Variants in RREB1 observed in about 807,000 individuals in gnomAD.
RREB1 encodes the protein ras-responsive element-binding protein 1.
In RREB1, 27 loss-of-function variants were observed where a neutral mutation model predicts 117.8. The ratio of observed to expected loss-of-function variants is 0.23; its 90% confidence interval spans 0.17 to 0.32. The LOEUF is 0.32. Among genes scored for constraint, RREB1 ranks in the 10% least tolerant of loss-of-function variants. RREB1 has a pLI of 1.00. For missense variants in RREB1, 2,577 were observed against 2,378.2 expected (o/e 1.08, Z -1.74); for synonymous variants, 1,298 against 1,026.7 (o/e 1.26, Z -5.05).
chr6:7,117,078 C>T (rs1761430839), intron 1 of RREB1, among the ~76,000 whole-genome samples: 1 of 152,070 alleles, frequency 6.6e-6, no homozygotes. Context: ...AACAGAATAC[C>T]AAGCCAGAAA....
chr6:7,236,886 G>GGT (rs1768362071), intron 10 of RREB1, among the ~76,000 whole-genome samples: 1 of 100,276 alleles, frequency 1.0e-5, no homozygotes, highest in Non-Finnish European at 2.0e-5. Flanking sequence ...TGTTTTTGGA[G>GGT]GTTTTTTTTT....
intron 4 of RREB1, among the ~76,000 whole-genome samples, chr6:7,186,741 C>G (rs1581508415): frequency 6.6e-6 from 1 of 152,294 alleles, no homozygotes; most frequent in South Asian, 2.1e-4. Flanking sequence ...ATAAAAGGAG[C>G]CCCCTCACCA....
chr6:7,143,584 T>A (rs1762721252), intron 1 of RREB1, among the ~76,000 whole-genome samples: 1 of 152,180 alleles, frequency 6.6e-6, no homozygotes, highest in South Asian at 2.1e-4. Flanking sequence ...TTGGGGCCTC[T>A]TTATCTAGAC....
At chr6:7,203,728 C>CCATG (rs1766115670) in intron 6 of RREB1, among the ~76,000 whole-genome samples, 1 of 152,238 alleles carries the variant, frequency 6.6e-6, no homozygotes, top group African/African-American at 2.4e-5. Context: ...CCTTGGAATA[C>CCATG]CATGCTACAG....
At chr6:7,165,082 C>T (rs962198282) in intron 1 of RREB1, among the ~76,000 whole-genome samples, 4 of 152,248 alleles carry the variant, frequency 2.6e-5, no homozygotes, top group Admixed American at 1.3e-4. Flanking sequence ...TGGCCTCTCA[C>T]ACACAGAGGC....
At chr6:7,239,342 A>G (rs562972125) in intron 10 of RREB1, among the ~76,000 whole-genome samples, 1 of 152,342 alleles carries the variant, frequency 6.6e-6, no homozygotes, top group South Asian at 2.1e-4. Flanking sequence ...GGAGGAATTC[A>G]GTGATACACA....
At position 7,231,367 on chromosome 6, in the gene RREB1, G is replaced by C. The variant is rs1169766019; in HGVS notation, c.3268G>C (p.Gly1090Arg). Reference protein sequence around the residue: ...TLLKTKVADPGPASTGSNTTA... With the variant: ...TLLKTKVADPRPASTGSNTTA... ...GCTGAAAACCAAGGTGGCGGACCCA[G>C]GGCCCGCAAGCACTGGCAGTAACAC... Residue 1090 changes from glycine (G) to arginine (R), a missense_variant, in exon 10 of 13, where the codon GGG (glycine) becomes CGG (arginine). Coordinates refer to ENST00000379938, the MANE Select transcript of RREB1 (RefSeq NM_001003699.4). The C allele has an allele frequency of 5.6e-6, 9 of 1,613,332 alleles. No individual in the cohort carries two copies. The East Asian group carries it at 2.0e-4, about 36-fold the overall frequency.
rs1337934089 is a variant in RREB1, at chr6:7,249,099, G to A, written c.*131G>A. 1 of 587,912 alleles carries A rather than the reference G, an allele frequency of 1.7e-6. No individual in the cohort carries two copies. The allele number at this position is 587,912 out of a possible 1,614,324, so 36.4% of individuals were successfully genotyped here. Reference sequence around the variant, plus strand: ...AGAGAGAGAGAGAGAGAGAGAGAGAGAGAGACAAGCAGGAGCGTGGCTGCT... The same window carrying A: ...AGAGAGAGAGAGAGAGAGAGAGAGAAAGAGACAAGCAGGAGCGTGGCTGCT... On this transcript the variant is annotated 3_prime_UTR_variant, in exon 13 of 13. Coordinates refer to ENST00000379938, the MANE Select transcript of RREB1 (RefSeq NM_001003699.4).
At chr6:7,228,454 C>T (rs1203897875) in intron 9 of RREB1, among the ~76,000 whole-genome samples, 1 of 148,206 alleles carries the variant, frequency 6.7e-6, no homozygotes, top group Non-Finnish European at 1.5e-5. Flanking sequence ...TTGTGGATTT[C>T]CTTATTCAGT....
At chr6:7,175,120 T>C (rs796222284) in intron 1 of RREB1, among the ~76,000 whole-genome samples, 1 of 152,166 alleles carries the variant, frequency 6.6e-6, no homozygotes, top group African/African-American at 2.4e-5. Flanking sequence ...TGCTTTTTTT[T>C]AAGCAATATT....
At chr6:7,153,707 A>T (rs576142444) in intron 1 of RREB1, among the ~76,000 whole-genome samples, 1 of 152,198 alleles carries the variant, frequency 6.6e-6, no homozygotes, top group Non-Finnish European at 1.5e-5. Context: ...TGATGTGGGC[A>T]TCCTCTTTAT....
chr6:7,117,150 G>A (rs993851094), intron 1 of RREB1, among the ~76,000 whole-genome samples: 14 of 152,170 alleles, frequency 9.2e-5, no homozygotes, highest in African/African-American at 3.1e-4. Flanking sequence ...CAGTATACAC[G>A]TGGTAATAGT....
At chr6:7,178,755 T>A (rs1428441610) in intron 2 of RREB1, among the ~76,000 whole-genome samples, 1 of 152,212 alleles carries the variant, frequency 6.6e-6, no homozygotes, top group Non-Finnish European at 1.5e-5. Context: ...TATTTTTTTT[T>A]AATTGTTATT....
intron 6 of RREB1, among the ~76,000 whole-genome samples, chr6:7,192,863 T>C (rs190374823): frequency 3.3e-5 from 5 of 152,332 alleles, no homozygotes; most frequent in African/African-American, 4.8e-5. Context: ...TCCGGTGTTA[T>C]AGCAAAGTAT....
intron 1 of RREB1, among the ~76,000 whole-genome samples, chr6:7,156,135 C>A (rs568791046): frequency 6.6e-6 from 1 of 152,292 alleles, no homozygotes; most frequent in Admixed American, 6.5e-5. Context: ...ACTTAAGAGT[C>A]TAGACTTTTC....
At chr6:7,124,141 A>AT (rs2113326561) in intron 1 of RREB1, among the ~76,000 whole-genome samples, 1 of 152,166 alleles carries the variant, frequency 6.6e-6, no homozygotes, top group East Asian at 1.9e-4. Context: ...CGTTGATTTT[A>AT]TTTTTTGTTT....
chr6:7,196,233 T>TG (rs1765670224), intron 6 of RREB1, among the ~76,000 whole-genome samples: 1 of 147,578 alleles, frequency 6.8e-6, no homozygotes, highest in African/African-American at 2.5e-5. Flanking sequence ...TTTTTTTTGT[T>TG]TTTTTTTTTT....
chr6:7,141,163 T>C (rs1434967569), intron 1 of RREB1, among the ~76,000 whole-genome samples: 1 of 151,686 alleles, frequency 6.6e-6, no homozygotes, highest in African/African-American at 2.4e-5. Context: ...CCGCGGTGGG[T>C]GTCCGGTGAG....
At chr6:7,237,507 C>T (rs951375826) in intron 10 of RREB1, among the ~76,000 whole-genome samples, 6 of 152,106 alleles carry the variant, frequency 3.9e-5, no homozygotes, top group Admixed American at 3.3e-4. Flanking sequence ...GGATTATAGG[C>T]ATGAGCCACT....
Sources: gnomAD v4.1 joint callset for allele counts (sites outside exome capture counted in the v4.1 genomes callset) on GRCh38, gnomAD v4.1.1 for gene constraint, MANE v1.5 for transcripts, NCBI Gene and HGNC (gene_info 2026-07-23, HGNC 2026-07-21) for gene names.